The following ANK2 variants were observed in gnomAD, a reference collection of about 807,000 sequenced individuals.
ANK2 encodes the protein ankyrin 2.
ANK2 carries 83 observed loss-of-function variants against 360.5 expected under a neutral mutation model. The observed-to-expected ratio is 0.23, with a 90% CI of 0.19 to 0.28. The LOEUF (loss-of-function observed/expected upper bound fraction) is 0.28, where lower values mean the gene tolerates loss of function less well. Among genes scored for constraint, ANK2 ranks in the 10% least tolerant of loss-of-function variants. The pLI is 1.00. For missense variants in ANK2, 4,201 were observed against 4,795.7 expected, an observed-to-expected ratio of 0.88 and a Z score of 3.66; for synonymous variants, 1,740 against 1,759.5, an observed-to-expected ratio of 0.99 and a Z score of 0.28.
intron 1 of ANK2, among the ~76,000 whole-genome samples, chr4:112,875,246 T>A (rs2074668947): frequency 6.6e-6 from 1 of 152,146 alleles, no homozygotes; most frequent in Non-Finnish European, 1.5e-5. Flanking sequence ...CTCAAACTCC[T>A]GACTTCAAGT....
At chr4:113,367,962 A>G in intron 42 of ANK2, 111 bp downstream of exon 42, 1 of 1,311,608 alleles carries the variant, frequency 7.6e-7, no homozygotes, top group African/African-American at 1.5e-5. Context: ...AAATGACCCT[A>G]CCAAACACAA....
intron 43 of ANK2, 70 bp downstream of exon 43, chr4:113,369,875 T>A (rs2154067898): frequency 6.2e-7 from 1 of 1,602,500 alleles, no homozygotes; most frequent in Non-Finnish European, 8.5e-7. Flanking sequence ...TCCATTTCTA[T>A]GATGGTTTAT....
chr4:113,257,598 G>A (rs1017138112), intron 11 of ANK2, among the ~76,000 whole-genome samples: 6 of 152,090 alleles, frequency 3.9e-5, no homozygotes, highest in African/African-American at 1.4e-4. Context: ...TTCTTACAAA[G>A]GCAGTATATT....
At chr4:113,097,917 T>TATAC (rs1456441686) in intron 1 of ANK2, among the ~76,000 whole-genome samples, 2 of 145,544 alleles carry the variant, frequency 1.4e-5, no homozygotes, top group Admixed American at 6.8e-5. Context: ...TATGTATATA[T>TATAC]ACACACACAC....
the ANK2 span, among the ~76,000 whole-genome samples, chr4:112,731,374 A>C: frequency 3.9e-5 from 6 of 152,114 alleles, no homozygotes; most frequent in Non-Finnish European, 5.9e-5. Flanking sequence ...CACAGTATAC[A>C]CATATATCAA....
intron 2 of ANK2, among the ~76,000 whole-genome samples, chr4:113,179,021 G>A (rs996263337): frequency 6.6e-6 from 1 of 152,064 alleles, no homozygotes; most frequent in Non-Finnish European, 1.5e-5. Flanking sequence ...TTTATTCATA[G>A]GTGGTTACAG....
chr4:113,112,686 G>C (rs543391222), intron 1 of ANK2, among the ~76,000 whole-genome samples: 1 of 152,134 alleles, frequency 6.6e-6, no homozygotes, highest in South Asian at 2.1e-4. Context: ...GTTGGCCATT[G>C]TTACTAGCTA....
intron 43 of ANK2, among the ~76,000 whole-genome samples, chr4:113,370,807 C>G (rs976793452): frequency 2.2e-4 from 34 of 152,052 alleles, no homozygotes; most frequent in African/African-American, 7.7e-4. Context: ...AAAATGTGGT[C>G]TATATAGTTC....
Position 113,355,621 on chromosome 4 carries a change from T to G in ANK2, c.7003T>G (p.Leu2335Val). The part of the protein sequence containing the change: ...DDCTGSCSVA[L>V]AKETPTGLTE... Reference sequence around the variant, plus strand: ...TTGCACAGGCAGCTGTAGTGTAGCATTAGCTAAAGAGACACCTACAGGACT... The same window carrying G: ...TTGCACAGGCAGCTGTAGTGTAGCAGTAGCTAAAGAGACACCTACAGGACT... The change falls in exon 38 of 46, where the codon TTA becomes GTA. Residue 2335 changes from leucine to valine, a missense_variant. Physicochemically the swap from Leu to Val is conservative, Grantham distance 32 (BLOSUM62 1). Transcript: ENST00000357077. The G allele has an allele frequency of 1.2e-6, 2 of 1,614,036 alleles. No homozygotes were observed. Among genetic ancestry groups the G allele is most frequent in the Non-Finnish European group, 1.7e-6 (2 of 1,179,968 alleles).
intron 9 of ANK2, 117 bp downstream of exon 9, chr4:113,242,326 T>C: frequency 1.1e-6 from 1 of 886,558 alleles, no homozygotes; most frequent in Non-Finnish European, 1.9e-6. Context: ...GAAATTGCTT[T>C]ATTGGAATTG....
At chr4:113,365,497 T>G (rs890058993) in intron 41 of ANK2, among the ~76,000 whole-genome samples, 1 of 152,110 alleles carries the variant, frequency 6.6e-6, no homozygotes, top group African/African-American at 2.4e-5. Flanking sequence ...AGCCACGTAT[T>G]TCTAGGCTCA....
the ANK2 span, among the ~76,000 whole-genome samples, chr4:112,738,204 G>C: frequency 3.9e-5 from 6 of 152,148 alleles, no homozygotes; most frequent in Non-Finnish European, 7.4e-5. Context: ...GAGGTCAGGA[G>C]TTCGAGACCA....
the ANK2 span, among the ~76,000 whole-genome samples, chr4:112,750,442 C>A: frequency 1.3e-5 from 2 of 152,088 alleles, no homozygotes; most frequent in Non-Finnish European, 2.9e-5. Flanking sequence ...CAAATACTTA[C>A]CATTGTGTTA....
At chr4:112,828,484 C>T (rs1011612546) in intron 1 of ANK2, among the ~76,000 whole-genome samples, 96 of 152,158 alleles carry the variant, frequency 6.3e-4, no homozygotes, top group African/African-American at 2.2e-3. Flanking sequence ...CCACCCGCCT[C>T]GGACTCCCAA....
chr4:113,338,533 A>C (rs988493755), intron 31 of ANK2, among the ~76,000 whole-genome samples: 2 of 146,956 alleles, frequency 1.4e-5, no homozygotes, highest in African/African-American at 5.0e-5. Flanking sequence ...AAGAATATTT[A>C]GATTGTTCAC....
At chr4:113,030,256 C>T (rs950981913) in intron 2 of ANK2, among the ~76,000 whole-genome samples, 3 of 152,032 alleles carry the variant, frequency 2.0e-5, no homozygotes, top group Non-Finnish European at 4.4e-5. Flanking sequence ...AATGGAATGT[C>T]TTATGTGTGG....
chr4:113,160,050 A>G (rs1471697010), intron 1 of ANK2, among the ~76,000 whole-genome samples: 1 of 152,186 alleles, frequency 6.6e-6, no homozygotes, highest in Non-Finnish European at 1.5e-5. Flanking sequence ...ACCTAATTAA[A>G]GTTAGAGAAT....
intron 9 of ANK2, among the ~76,000 whole-genome samples, chr4:113,244,351 T>A (rs934325466): frequency 1.3e-5 from 2 of 152,202 alleles, no homozygotes; most frequent in African/African-American, 4.8e-5. Context: ...TTCAAGGAAT[T>A]AAGTTAACAG....
At chr4:113,068,671 A>C (rs1481056532) in intron 1 of ANK2, among the ~76,000 whole-genome samples, 3 of 152,198 alleles carry the variant, frequency 2.0e-5, no homozygotes, top group Non-Finnish European at 4.4e-5. Flanking sequence ...GCTAAGAGTC[A>C]AAAACTGTAG....
Sources: gnomAD v4.1 joint callset for allele counts (sites outside exome capture counted in the v4.1 genomes callset) on GRCh38, gnomAD v4.1.1 for gene constraint, MANE v1.5 for transcripts, NCBI Gene and HGNC (gene_info 2026-07-23, HGNC 2026-07-21) for gene names.